Variants in LMO2 observed in about 807,000 individuals in gnomAD.
LMO2 encodes LIM domain only 2.
A neutral mutation model predicts 23.2 loss-of-function variants in LMO2; 20 were observed. The ratio of observed to expected loss-of-function variants is 0.86; its 90% CI spans 0.61 to 1.25. LMO2 has a LOEUF of 1.25. Ranked by LOEUF, LMO2 falls within the 50% of genes most tolerant of loss-of-function variation. The pLI is 0.00. For missense variants in LMO2, 270 were observed against 315.3 expected, an observed-to-expected ratio of 0.86 and a Z score of 1.09; for synonymous variants, 123 against 130.2, an observed-to-expected ratio of 0.94 and a Z score of 0.38.
chr11:33,875,439 G>A (rs570659062), intron 2 of LMO2, among the ~76,000 whole-genome samples: 20 of 152,030 alleles, frequency 1.3e-4, no homozygotes, highest in Non-Finnish European at 2.5e-4. Flanking sequence ...CTAGCCAAGC[G>A]AGGTGGCTGA....
rs1035350060 is a variant in LMO2 at position 33,869,606 on chromosome 11, A to G, written c.8-20T>C. 8.6e-6 allele frequency: 11 copies of G among 1,273,288 alleles called. No individual in the cohort carries two copies. In the African/African-American group the frequency reaches 1.6e-4, roughly 19 times the overall value. 78.9% of individuals were successfully genotyped at this position (1,273,288 alleles called of 1,614,324 possible). A position where few individuals can be genotyped will look rare whatever the true frequency, so the allele number is the denominator to read the frequency against. On this transcript the variant is annotated intron_variant, in intron 3 of 5. Coordinates refer to ENST00000257818, the MANE Select transcript of LMO2 (RefSeq NM_005574.4). ...CGCTCCCTTCAAACGCCAAAGAGAGAGAGCGAATCACCGGGCTGCGGGCGC... is the reference window on the plus strand; with the variant it reads ...CGCTCCCTTCAAACGCCAAAGAGAGGGAGCGAATCACCGGGCTGCGGGCGC...
chr11:33,862,638 C>T (rs563334675), intron 5 of LMO2, among the ~76,000 whole-genome samples: 3 of 152,168 alleles, frequency 2.0e-5, no homozygotes, highest in African/African-American at 7.2e-5. Context: ...TTAGAGGGCC[C>T]GTTCAGTTAC....
At chr11:33,872,841 A>C (rs1857056897) in intron 2 of LMO2, among the ~76,000 whole-genome samples, 1 of 151,948 alleles carries the variant, frequency 6.6e-6, no homozygotes, top group African/African-American at 2.4e-5. Context: ...GCTCACTGCA[A>C]CCTCTGCCTC....
chr11:33,866,152 C>T (rs903347659), intron 4 of LMO2, among the ~76,000 whole-genome samples: 3 of 152,184 alleles, frequency 2.0e-5, no homozygotes, highest in African/African-American at 7.2e-5. Context: ...GGACAGGAGG[C>T]TAGGTGGCTC....
chr11:33,877,880 A>C (rs1389452611), intron 2 of LMO2, among the ~76,000 whole-genome samples: 6 of 151,176 alleles, frequency 4.0e-5, no homozygotes. Flanking sequence ...GCAAAAAAAA[A>C]CAGAGAAAGA....
intron 1 of LMO2, among the ~76,000 whole-genome samples, chr11:33,882,896 G>C (rs758863162): frequency 8.5e-5 from 13 of 152,118 alleles, no homozygotes; most frequent in Non-Finnish European, 1.9e-4. Context: ...CATTCACTAT[G>C]CCAGTGTTTC....
At chr11:33,871,742 G>A (rs1429867113) in intron 2 of LMO2, among the ~76,000 whole-genome samples, 4 of 152,140 alleles carry the variant, frequency 2.6e-5, no homozygotes, top group Admixed American at 2.6e-4. Context: ...AGGTTGTGAT[G>A]AACAGTTTAC....
rs574628657 is a variant in LMO2 at position 33,869,925 on chromosome 11, C to T, written c.-209G>A. 1.6e-5 allele frequency: 17 copies of T among 1,050,270 alleles called. No homozygotes were observed. Among genetic ancestry groups the T allele is most frequent in the South Asian group, 1.4e-4 (3 of 21,910 alleles). 65.1% of individuals were successfully genotyped at this position (1,050,270 alleles called of 1,614,324 possible). On this transcript the variant is annotated 5_prime_UTR_variant, in exon 3 of 6. Coordinates refer to ENST00000257818, the MANE Select transcript of LMO2 (RefSeq NM_005574.4). Reference sequence around the variant, plus strand: ...CCGTGCGTCTCTCTCCGGGCTTCCTCCTCTCTCGGGAAGGTCTATTTTCGC... The same window carrying T: ...CCGTGCGTCTCTCTCCGGGCTTCCTTCTCTCTCGGGAAGGTCTATTTTCGC...
chr11:33,891,429 AAC>A (rs1296067041), intron 1 of LMO2, among the ~76,000 whole-genome samples: 2 of 151,666 alleles, frequency 1.3e-5, no homozygotes, highest in African/African-American at 4.9e-5. Context: ...GATCATGGTA[AAC>A]ACAAGCCTCT....
At chr11:33,881,377 A>G (rs745633617) in intron 2 of LMO2, 3 of 456,572 alleles carry the variant, frequency 6.6e-6, no homozygotes, top group South Asian at 1.5e-5. Context: ...AATGAACCAA[A>G]TCTTGAAGGA....
intron 2 of LMO2, among the ~76,000 whole-genome samples, chr11:33,879,588 G>A (rs1364324951): frequency 5.3e-5 from 8 of 152,066 alleles, no homozygotes; most frequent in South Asian, 2.1e-4. Flanking sequence ...AGCTGAGATC[G>A]TGCCACTGCC....
At chr11:33,883,007 C>T (rs1857323079) in intron 1 of LMO2, among the ~76,000 whole-genome samples, 1 of 152,216 alleles carries the variant, frequency 6.6e-6, no homozygotes, top group Non-Finnish European at 1.5e-5. Flanking sequence ...CCCTGGATAC[C>T]TGATCTAAAA....
intron 2 of LMO2, among the ~76,000 whole-genome samples, chr11:33,872,210 G>C (rs555854177): frequency 6.6e-6 from 1 of 152,326 alleles, no homozygotes; most frequent in South Asian, 2.1e-4. Flanking sequence ...AGAATCACTT[G>C]AACCCAGGAG....
chr11:33,858,597 A>C lies in LMO2; in HGVS notation c.*759T>G, dbSNP rs1478008731. 1 of 145,390 alleles carries C rather than the reference A, an allele frequency of 6.9e-6. No homozygotes were observed. The highest frequency in any genetic ancestry group is 3.0e-5 in the African/African-American group (1 of 33,572). The allele number at this position is 145,390 out of a possible 1,614,324, so 9.0% of individuals were successfully genotyped here. A position where few individuals can be genotyped will look rare whatever the true frequency, so the allele number is the denominator to read the frequency against. Reference sequence around the variant, plus strand: ...TGTATTTCAGTCTGTCATTTTTATTAAGCCTGCAGAGCTGTTTTTTTTTCT... The same window carrying C: ...TGTATTTCAGTCTGTCATTTTTATTCAGCCTGCAGAGCTGTTTTTTTTTCT... On this transcript the variant is annotated 3_prime_UTR_variant, in exon 6 of 6. Coordinates refer to ENST00000257818, the MANE Select transcript of LMO2 (RefSeq NM_005574.4).
At position 33,869,536 on chromosome 11, in the gene LMO2, G is replaced by C; in HGVS notation, c.58C>G (p.Arg20Gly). 2 of 1,261,970 alleles carry C rather than the reference G, an allele frequency of 1.6e-6. No individual in the cohort carries two copies. Among genetic ancestry groups the C allele is most frequent in the Non-Finnish European group, 2.0e-6 (2 of 992,750 alleles). 78.2% of individuals were successfully genotyped at this position (1,261,970 alleles called of 1,614,324 possible). ...ERGGASSPAE[R>G]RSKRRRRSGG... ...CTCCTGCGCCTCCGCTTGCTCCGGC[G>C]CTCCGCCGGCGAGCTCGCCCCTCCG... Residue 20 changes from arginine to glycine, a missense_variant, in exon 4 of 6, where the codon CGC (arginine) becomes GGC (glycine). Arg to Gly is a moderately radical substitution (Grantham distance 125). Coordinates refer to ENST00000257818, the MANE Select transcript of LMO2 (RefSeq NM_005574.4).
intron 4 of LMO2, among the ~76,000 whole-genome samples, chr11:33,866,740 G>A (rs1219746643): frequency 6.6e-6 from 1 of 152,186 alleles, no homozygotes; most frequent in Non-Finnish European, 1.5e-5. Context: ...CCACCTCCTG[G>A]GTTCAAGTGA....
intron 2 of LMO2, chr11:33,881,083 A>G: frequency 2.3e-6 from 1 of 439,284 alleles, no homozygotes; most frequent in East Asian, 7.0e-5. Context: ...AGAGTATAGC[A>G]GGTCCCATCT....
intron 1 of LMO2, among the ~76,000 whole-genome samples, chr11:33,882,154 C>CT (rs953593670): frequency 1.1e-4 from 17 of 149,824 alleles, no homozygotes; most frequent in Admixed American, 5.3e-4. Context: ...CTGCCGACTT[C>CT]TTTTTTTTTT....
intron 1 of LMO2, among the ~76,000 whole-genome samples, chr11:33,891,198 C>T (rs1211221857): frequency 6.6e-6 from 1 of 152,176 alleles, no homozygotes; most frequent in Non-Finnish European, 1.5e-5. Context: ...CAAAAACACC[C>T]TTTGAAGTTA....
Sources: allele counts gnomAD v4.1 joint callset (sites outside exome capture counted in the v4.1 genomes callset), GRCh38; gene constraint gnomAD v4.1.1; transcripts MANE v1.5; gene names NCBI Gene and HGNC (gene_info 2026-07-23, HGNC 2026-07-21).